Variants in PCNX1 observed in about 807,000 individuals in gnomAD.
PCNX1 encodes pecanex-like protein 1.
A neutral mutation model predicts 242.2 loss-of-function variants in PCNX1; 78 were observed. The ratio of observed to expected loss-of-function variants is 0.32; its 90% CI spans 0.27 to 0.39. The LOEUF is 0.39. Ranked by LOEUF, PCNX1 falls within the 10% of genes least tolerant of loss-of-function variation. The pLI is 1.00. For synonymous variants in PCNX1, 1,024 were observed against 1,032.9 expected, an observed-to-expected ratio of 0.99 and a Z score of 0.17; for missense variants, 2,581 against 2,856.5, an observed-to-expected ratio of 0.90 and a Z score of 2.20.
rs771743341 is a variant in PCNX1 at position 70,968,233 on chromosome 14, A to G, written c.504A>G (p.Ala168=). Residue 168 remains alanine (A), a synonymous_variant, in exon 4 of 36, where the codon GCA becomes GCG. Coordinates refer to ENST00000304743, the MANE Select transcript of PCNX1 (RefSeq NM_014982.3). ...GSGSSRLGTA[A]TIKGDTDTAK... is the part of the protein sequence containing the mutation. ...GTTCCTCGCGTCTTGGAACAGCAGC[A>G]ACTATTAAAGGTAGGTGTGATCTAA... is the stretch of plus-strand genomic sequence containing the variant. 1.9e-6 allele frequency: 3 copies of G among 1,612,966 alleles called. No homozygotes were observed. In the South Asian group the frequency reaches 3.3e-5, roughly 18 times the overall value.
Position 71,035,213 on chromosome 14 carries a change from C to T in PCNX1, c.3775-852C>T, listed in dbSNP as rs575490464. On this transcript the variant is annotated intron_variant, in intron 18 of 35. Transcript: ENST00000304743. Reference sequence around the variant, plus strand: ...CTCCAGCCTGGGCAACATAGTGAGACCCTGTCTCAAAAACAAACAAAAAAT... The same window carrying T: ...CTCCAGCCTGGGCAACATAGTGAGATCCTGTCTCAAAAACAAACAAAAAAT... Among the ~76,000 whole-genome samples the T allele has an allele frequency of 3.9e-5, 6 of 152,114 alleles. No individual in the cohort carries two copies. The South Asian group carries it at 1.2e-3, about 32-fold the overall frequency.
Position 70,977,964 on chromosome 14 carries a change from C to T in PCNX1, c.1627C>T (p.Arg543Ter). Reference sequence around the variant, plus strand: ...TGGAAAGCAAAAGGAAGGGGATGTTCGACCTAAATCTTCTAGCGTAATCCA... The same window carrying T: ...TGGAAAGCAAAAGGAAGGGGATGTTTGACCTAAATCTTCTAGCGTAATCCA... ...VGGKQKEGDV[R>*]PKSSSVIHRT... The change falls in exon 6 of 36, where the codon CGA (arginine) becomes TGA (stop). Residue 543 changes from arginine to a stop codon, truncating the protein, a stop_gained. Transcript: ENST00000304743. LOFTEE classifies it high-confidence loss of function. The T allele has an allele frequency of 6.2e-7, 1 of 1,614,080 alleles. No individual in the cohort carries two copies. The highest frequency in any genetic ancestry group is 1.3e-5 in the African/African-American group (1 of 75,008).
intron 2 of PCNX1, among the ~76,000 whole-genome samples, chr14:70,948,528 A>G (rs2057553242): frequency 6.6e-6 from 1 of 151,876 alleles, no homozygotes; most frequent in South Asian, 2.1e-4. Context: ...AAATCTCAGC[A>G]TTTATTTTTA....
chr14:71,085,016 G>A (rs894499980), intron 28 of PCNX1, among the ~76,000 whole-genome samples: 7 of 152,210 alleles, frequency 4.6e-5, no homozygotes, highest in South Asian at 2.1e-4. Flanking sequence ...TGTGAAGACC[G>A]TGGGAAAAGC....
intron 1 of PCNX1, among the ~76,000 whole-genome samples, chr14:70,939,989 C>T (rs981041613): frequency 7.2e-5 from 11 of 152,056 alleles, no homozygotes; most frequent in African/African-American, 2.4e-4. Context: ...GGTAGATCTT[C>T]CTTCATCCCT....
chr14:71,047,147 C>G (rs779128468), intron 21 of PCNX1, 42 bp downstream of exon 21: 1 of 1,169,194 alleles, frequency 8.6e-7, no homozygotes. Flanking sequence ...CTACTGGGGG[C>G]TGTTATAAAC....
intron 27 of PCNX1, 50 bp downstream of exon 27, chr14:71,073,848 G>T: frequency 7.1e-7 from 1 of 1,405,232 alleles, no homozygotes; most frequent in Non-Finnish European, 9.6e-7. Context: ...GTTTCTTCTT[G>T]GGAATGACAT....
chr14:71,061,661 T>C (rs1460405468), intron 26 of PCNX1, among the ~76,000 whole-genome samples: 6 of 152,196 alleles, frequency 3.9e-5, no homozygotes, highest in Non-Finnish European at 7.3e-5. Flanking sequence ...ATGTCACCAA[T>C]ATGGGTATGA....
chr14:71,009,760 T>G, intron 9 of PCNX1, 36 bp downstream of exon 9: 1 of 1,224,002 alleles, frequency 8.2e-7, no homozygotes, highest in Non-Finnish European at 1.2e-6. Flanking sequence ...GTGTGTACTT[T>G]CATATGTTTG....
At chr14:70,913,030 C>T (rs2055993645) in intron 1 of PCNX1, among the ~76,000 whole-genome samples, 1 of 152,110 alleles carries the variant, frequency 6.6e-6, no homozygotes, top group Admixed American at 6.5e-5. Context: ...CATTCCATTC[C>T]ATAACTTTCT....
intron 12 of PCNX1, among the ~76,000 whole-genome samples, chr14:71,022,272 A>G (rs2158998): frequency 0.12 from 18,997 of 152,108 alleles, 1,526 homozygotes; most frequent in African/African-American, 0.21. Flanking sequence ...TTGCGGCTCT[A>G]GTGTCTCCAT....
chr14:70,947,042 C>T lies in PCNX1; in HGVS notation c.281C>T (p.Thr94Ile). ...GATGCTGGAGAAGTTGTAGATAGGA[C>T]TGCAAATGAGTTCACGGATCAGCGA... ...ALDAGEVVDRTANEFTDQRTK... is the reference protein window; with the variant it reads ...ALDAGEVVDRIANEFTDQRTK... Residue 94 changes from threonine to isoleucine, a missense_variant, in exon 2 of 36, where the codon ACT (threonine) becomes ATT (isoleucine). Transcript: ENST00000304743. 2.5e-6 allele frequency: 4 copies of T among 1,613,856 alleles called. No individual in the cohort carries two copies. Among genetic ancestry groups the T allele is most frequent in the Non-Finnish European group, 3.4e-6 (4 of 1,179,916 alleles).
At chr14:70,970,649 G>T (rs538385466) in intron 5 of PCNX1, among the ~76,000 whole-genome samples, 1 of 152,290 alleles carries the variant, frequency 6.6e-6, no homozygotes, top group East Asian at 1.9e-4. Flanking sequence ...CATGCACTGG[G>T]TGCATACTAT....
At chr14:71,000,134 G>C (rs1379042883) in intron 8 of PCNX1, among the ~76,000 whole-genome samples, 1 of 152,026 alleles carries the variant, frequency 6.6e-6, no homozygotes, top group Non-Finnish European at 1.5e-5. Context: ...ATATATAAAT[G>C]AAAGTAAAAT....
At chr14:70,942,291 A>C (rs571249627) in intron 1 of PCNX1, among the ~76,000 whole-genome samples, 1 of 152,360 alleles carries the variant, frequency 6.6e-6, no homozygotes, top group East Asian at 1.9e-4. Context: ...TTACAGGTCT[A>C]ACATATTTTA....
At chr14:71,004,642 C>G (rs889692143) in intron 8 of PCNX1, among the ~76,000 whole-genome samples, 1 of 151,926 alleles carries the variant, frequency 6.6e-6, no homozygotes, top group Non-Finnish European at 1.5e-5. Flanking sequence ...GGTTGGGGAC[C>G]GTTGCATTAA....
At chr14:70,974,212 C>G (rs977396843) in intron 5 of PCNX1, among the ~76,000 whole-genome samples, 1 of 147,794 alleles carries the variant, frequency 6.8e-6, no homozygotes, top group Non-Finnish European at 1.5e-5. Context: ...TTCATTTAAA[C>G]TTACAGAACT....
At chr14:70,934,424 A>G (rs984043743) in intron 1 of PCNX1, among the ~76,000 whole-genome samples, 4 of 152,166 alleles carry the variant, frequency 2.6e-5, no homozygotes, top group African/African-American at 2.4e-5. Context: ...AACACATAAT[A>G]TAAAATTTAT....
At chr14:70,948,093 G>T (rs2057532226) in intron 2 of PCNX1, among the ~76,000 whole-genome samples, 2 of 152,296 alleles carry the variant, frequency 1.3e-5, no homozygotes, top group Admixed American at 1.3e-4. Flanking sequence ...ATGACAATCT[G>T]TGCATAGCGG....
Sources: gnomAD v4.1 joint callset for allele counts (sites outside exome capture counted in the v4.1 genomes callset) on GRCh38, gnomAD v4.1.1 for gene constraint, MANE v1.5 for transcripts, NCBI Gene and HGNC (gene_info 2026-07-23, HGNC 2026-07-21) for gene names.